The following RUVBL1 variants were observed in gnomAD, a reference collection of about 807,000 sequenced individuals.
RUVBL1 encodes the protein RuvB like AAA ATPase 1, also known as ruvB-like 1.
RUVBL1 carries 4 observed loss-of-function variants against 52.4 expected under a neutral mutation model. The observed-to-expected ratio is 0.08, with a 90% CI of 0.04 to 0.17. The LOEUF is 0.17. Among genes scored for constraint, RUVBL1 ranks in the 10% least tolerant of loss-of-function variants. The pLI, the probability that RUVBL1 is intolerant of heterozygous loss-of-function variation, is 1.00. For synonymous variants in RUVBL1, 217 were observed against 214.4 expected (o/e 1.01, Z -0.10); for missense variants, 298 against 572.8 (o/e 0.52, Z 4.90).
intron 9 of RUVBL1, chr3:128,069,402 G>A (rs1942085186): frequency 3.5e-6 from 5 of 1,418,396 alleles, no homozygotes; most frequent in Non-Finnish European, 4.8e-6. Flanking sequence ...CAAAGTCTCA[G>A]GTGAGCCTGT....
chr3:128,136,117 C>CA (rs1943943934), intron 1 of RUVBL1, among the ~76,000 whole-genome samples: 1 of 138,982 alleles, frequency 7.2e-6, no homozygotes, highest in Non-Finnish European at 1.6e-5. Flanking sequence ...AACGCATGCA[C>CA]AAAAAATAGA....
intron 9 of RUVBL1, chr3:128,084,771 T>C (rs1942587412): frequency 6.6e-6 from 1 of 152,186 alleles, no homozygotes; most frequent in African/African-American, 2.4e-5. Flanking sequence ...TGAGTTTGTT[T>C]AAAAACCTAG....
At chr3:128,137,767 G>C (rs376450384) in intron 1 of RUVBL1, among the ~76,000 whole-genome samples, 10 of 152,152 alleles carry the variant, frequency 6.6e-5, no homozygotes, top group East Asian at 5.8e-4. Context: ...CAATATCCCT[G>C]ATGAACATTA....
At chr3:128,101,772 G>A (rs1339976549) in intron 4 of RUVBL1, 124 bp from the exon 5 acceptor site, 34 of 910,450 alleles carry the variant, frequency 3.7e-5, no homozygotes, top group East Asian at 9.8e-5. Context: ...CCTGTTTTGC[G>A]TTTGCATGAA....
rs1282553749 is a variant in RUVBL1 at position 128,069,557 on chromosome 3, G to T, written c.940-4337C>A. ...TGGCTGACTTCCTAGGCGCCATTGG[G>T]TCTGGAACCGGGATCCTGCTCGCAG... On this transcript the variant is annotated intron_variant, in intron 9 of 9. Coordinates refer to the RUVBL1 transcript ENST00000464873. 2 of 1,614,000 alleles carry T rather than the reference G, an allele frequency of 1.2e-6. No individual in the cohort carries two copies. Among genetic ancestry groups the T allele is most frequent in the Admixed American group, 3.3e-5 (2 of 59,998 alleles).
chr3:128,090,458 G>A (rs1942806473), intron 8 of RUVBL1, among the ~76,000 whole-genome samples: 1 of 152,224 alleles, frequency 6.6e-6, no homozygotes, highest in Admixed American at 6.5e-5. Flanking sequence ...GGCGGAGCTT[G>A]CAGTGTACCG....
intron 1 of RUVBL1, among the ~76,000 whole-genome samples, chr3:128,120,126 G>C (rs1192207294): frequency 6.6e-6 from 1 of 152,190 alleles, no homozygotes; most frequent in East Asian, 1.9e-4. Context: ...ATAGACGCCA[G>C]GGGCCCAAAT....
chr3:128,101,073 G>A (rs1474481561), intron 5 of RUVBL1, among the ~76,000 whole-genome samples: 2 of 152,160 alleles, frequency 1.3e-5, no homozygotes, highest in African/African-American at 4.8e-5. Flanking sequence ...TTTTGTAGGT[G>A]GATGATTTAT....
upstream of RUVBL1, among the ~76,000 whole-genome samples, chr3:128,125,266 C>T (rs1051987547): frequency 1.1e-4 from 17 of 152,062 alleles, no homozygotes; most frequent in Non-Finnish European, 2.1e-4. Context: ...CCGCCCGCCT[C>T]GGCCTCCCAA....
In RUVBL1 at chr3:128,082,403, G is replaced by A. The variant is rs1349172980; in HGVS notation, c.1211+80C>T. 2 of 1,059,822 alleles carry A rather than the reference G, an allele frequency of 1.9e-6. No individual in the cohort carries two copies. The highest frequency in any genetic ancestry group is 2.4e-5 in the East Asian group (1 of 42,324). 65.7% of individuals were successfully genotyped at this position (1,059,822 alleles called of 1,614,324 possible). ...AGTCCCATGCCCTAGGAAGGGACCTGCCTTTATTGTCCAGAATGACCCCAG... is the reference window on the plus strand; with the variant it reads ...AGTCCCATGCCCTAGGAAGGGACCTACCTTTATTGTCCAGAATGACCCCAG... On this transcript the variant is annotated intron_variant, in intron 10 of 10. Coordinates refer to ENST00000322623, the MANE Select transcript of RUVBL1 (RefSeq NM_003707.3). The surrounding 1 kb of genome is among the most constrained non-coding windows in gnomAD (Gnocchi z 4.7).
At chr3:128,068,903 A>G (rs1040164459) in intron 9 of RUVBL1, 1 of 152,422 alleles carries the variant, frequency 6.6e-6, no homozygotes, top group African/African-American at 2.4e-5. Flanking sequence ...AGGTTGTCCT[A>G]TGGGCCTTAC....
exon 10 of RUVBL1, chr3:128,064,794 T>G: frequency 7.7e-7 from 1 of 1,300,284 alleles, no homozygotes; most frequent in South Asian, 1.4e-5. Context: ...TGTTTTCCTC[T>G]TTTTATTTGT....
Position 128,067,147 on chromosome 3 carries a change from G to A in RUVBL1, c.940-1927C>T, listed in dbSNP as rs1942004273. On this transcript the variant is annotated intron_variant, in intron 9 of 9. Coordinates refer to the RUVBL1 transcript ENST00000464873. The surrounding 1 kb of genome is among the most constrained non-coding windows in gnomAD (Gnocchi z 4.1). ...TTGCTGGTCAGCCTGCTGGGCACCTGGTCGGTAAGTAGGCTCTTTGAAGAT... is the reference window on the plus strand; with the variant it reads ...TTGCTGGTCAGCCTGCTGGGCACCTAGTCGGTAAGTAGGCTCTTTGAAGAT... The A allele has an allele frequency of 1.2e-6, 2 of 1,614,128 alleles. No homozygotes were observed. The highest frequency in any genetic ancestry group is 1.3e-5 in the African/African-American group (1 of 75,044).
At chr3:128,101,702 C>A (rs565953414) in intron 4 of RUVBL1, 54 bp from the exon 5 acceptor site, 3 of 1,559,880 alleles carry the variant, frequency 1.9e-6, no homozygotes, top group Admixed American at 3.3e-5. Context: ...TTCCTTCTGA[C>A]ACCATGTAAG....
chr3:128,153,332 C>G (rs11920225), exon 1 of RUVBL1: 209,676 of 1,371,672 alleles, frequency 0.15, 16,405 homozygotes, highest in Admixed American at 0.2. Flanking sequence ...AGACCACCCA[C>G]TCGGAGCACG....
At chr3:128,093,222 A>G (rs1942888271) in intron 8 of RUVBL1, among the ~76,000 whole-genome samples, 1 of 152,250 alleles carries the variant, frequency 6.6e-6, no homozygotes, top group African/African-American at 2.4e-5. Flanking sequence ...GCTAAGTGAA[A>G]GAAGCCAGTC....
chr3:128,099,159 G>A (rs904729527), intron 6 of RUVBL1, among the ~76,000 whole-genome samples: 4 of 152,152 alleles, frequency 2.6e-5, no homozygotes, highest in Admixed American at 6.5e-5. Context: ...TATAAGCTCC[G>A]TGGGGCCTGC....
chr3:128,087,615 G>T, intron 9 of RUVBL1, 91 bp downstream of exon 9: 4 of 980,678 alleles, frequency 4.1e-6, no homozygotes, highest in Non-Finnish European at 6.2e-6. Context: ...ATGGCAGCCA[G>T]ATCCAAGCCG....
At chr3:128,112,483 A>T (rs1309530003) in intron 3 of RUVBL1, among the ~76,000 whole-genome samples, 1 of 151,820 alleles carries the variant, frequency 6.6e-6, no homozygotes. Flanking sequence ...ACAGGCCACA[A>T]CTCTTCTGGC....
Sources: gnomAD v4.1 joint callset for allele counts (sites outside exome capture counted in the v4.1 genomes callset) on GRCh38, gnomAD v4.1.1 for gene constraint, Gnocchi (gnomAD v3.1) non-coding constraint, MANE v1.5 for transcripts, NCBI Gene and HGNC (gene_info 2026-07-23, HGNC 2026-07-21) for gene names.